Variants in PSD3 observed in about 807,000 individuals in gnomAD.
PSD3 encodes PH and SEC7 domain-containing protein 3.
Under a neutral mutation model 105.5 loss-of-function variants are expected in PSD3, and 49 were observed. The observed-to-expected ratio is 0.46, with a 90% confidence interval of 0.37 to 0.59. The LOEUF (loss-of-function observed/expected upper bound fraction) is 0.59, where lower values mean the gene tolerates loss of function less well. Among genes scored for constraint, PSD3 ranks in the 20% least tolerant of loss-of-function variants. The pLI is 0.00. For missense variants in PSD3, 1,561 were observed against 1,263.8 expected, an observed-to-expected ratio of 1.24 and a Z score of -3.57; for synonymous variants, 557 against 457.8, an observed-to-expected ratio of 1.22 and a Z score of -2.77.
chr8:18,714,521 T>A (rs1195190136), intron 9 of PSD3, among the ~76,000 whole-genome samples: 6 of 150,878 alleles, frequency 4.0e-5, no homozygotes, highest in Non-Finnish European at 8.8e-5. Context: ...AAGAAACTTA[T>A]GAAAAAAACC....
chr8:18,785,631 T>C (rs1289103541), intron 8 of PSD3, among the ~76,000 whole-genome samples: 1 of 152,200 alleles, frequency 6.6e-6, no homozygotes, highest in Non-Finnish European at 1.5e-5. Flanking sequence ...ACTTTTCCTT[T>C]ACATTACAAC....
chr8:18,845,357 C>T (rs976371481), intron 4 of PSD3, among the ~76,000 whole-genome samples: 4 of 152,166 alleles, frequency 2.6e-5, no homozygotes, highest in Admixed American at 6.5e-5. Flanking sequence ...AGGCCTTTGG[C>T]GGCTGCACTG....
intron 9 of PSD3, among the ~76,000 whole-genome samples, chr8:18,759,514 T>G (rs948792108): frequency 1.3e-5 from 2 of 152,180 alleles, no homozygotes; most frequent in African/African-American, 4.8e-5. Context: ...AAGGAGAGAC[T>G]GTTTCAGCTA....
At chr8:18,750,591 G>A (rs1446822610) in intron 9 of PSD3, among the ~76,000 whole-genome samples, 5 of 152,114 alleles carry the variant, frequency 3.3e-5, no homozygotes, top group African/African-American at 7.2e-5. Context: ...CGAGTGGGTT[G>A]CCACTGCTGG....
chr8:18,663,068 A>C (rs1442231345), intron 9 of PSD3, among the ~76,000 whole-genome samples: 1 of 152,170 alleles, frequency 6.6e-6, no homozygotes, highest in African/African-American at 2.4e-5. Context: ...GTAGCCAAAG[A>C]CAATACTAAC....
intron 15 of PSD3, among the ~76,000 whole-genome samples, chr8:18,539,749 T>C (rs574982748): frequency 1.3e-5 from 2 of 152,026 alleles, no homozygotes; most frequent in African/African-American, 2.4e-5. Flanking sequence ...GATTTCACCA[T>C]GTTGGCCAGG....
intron 11 of PSD3, among the ~76,000 whole-genome samples, chr8:18,630,317 G>T (rs1451861481): frequency 6.6e-6 from 1 of 151,934 alleles, no homozygotes; most frequent in Non-Finnish European, 1.5e-5. Context: ...AGGTGTCTGT[G>T]ATGTCTCAAC....
chr8:18,800,677 G>C (rs1341127557), intron 7 of PSD3, among the ~76,000 whole-genome samples: 1 of 152,172 alleles, frequency 6.6e-6, no homozygotes, highest in African/African-American at 2.4e-5. Context: ...TGTAAAAATA[G>C]TGTAATATGC....
intron 4 of PSD3, among the ~76,000 whole-genome samples, chr8:18,862,744 G>A (rs970648367): frequency 3.3e-5 from 5 of 151,782 alleles, no homozygotes; most frequent in African/African-American, 7.3e-5. Context: ...TTTTCAAATC[G>A]CACTTCAACA....
At chr8:18,696,743 G>A (rs2131016924) in intron 9 of PSD3, among the ~76,000 whole-genome samples, 1 of 152,238 alleles carries the variant, frequency 6.6e-6, no homozygotes, top group East Asian at 1.9e-4. Context: ...GATTCTCATA[G>A]GATAAGGGAG....
At chr8:18,693,878 A>AT (rs1263478974) in intron 9 of PSD3, among the ~76,000 whole-genome samples, 1 of 152,226 alleles carries the variant, frequency 6.6e-6, no homozygotes, top group East Asian at 1.9e-4. Context: ...TTTTGGAGCC[A>AT]GGAATCCTGG....
chr8:18,606,459 C>T (rs2717763), intron 11 of PSD3, among the ~76,000 whole-genome samples: 110,365 of 152,168 alleles, frequency 0.73, 40,257 homozygotes, highest in East Asian at 0.83. Context: ...TAAAAGTTAT[C>T]TAAAAATATT....
intron 14 of PSD3, among the ~76,000 whole-genome samples, chr8:18,566,651 C>T (rs1428040729): frequency 2.0e-5 from 3 of 152,108 alleles, no homozygotes; most frequent in Non-Finnish European, 2.9e-5. Flanking sequence ...CGGAGATCAT[C>T]TCATTTCTTT....
chr8:18,633,651 C>T (rs1436787569), intron 10 of PSD3, among the ~76,000 whole-genome samples: 1 of 152,010 alleles, frequency 6.6e-6, no homozygotes. Context: ...TTTCTCTATC[C>T]AGTTCACCAT....
intron 1 of PSD3, among the ~76,000 whole-genome samples, chr8:18,990,407 C>T (rs909972827): frequency 2.6e-5 from 4 of 152,218 alleles, no homozygotes; most frequent in Non-Finnish European, 4.4e-5. Flanking sequence ...TCTTCATATG[C>T]GACGCTCTTT....
chr8:18,740,378 G>A (rs939791552), intron 9 of PSD3, among the ~76,000 whole-genome samples: 21 of 152,116 alleles, frequency 1.4e-4, no homozygotes, highest in Non-Finnish European at 2.9e-5. Context: ...AATTCTGACA[G>A]CTTGCAGTGA....
At chr8:18,854,747 C>A (rs904917864) in intron 4 of PSD3, among the ~76,000 whole-genome samples, 4 of 152,072 alleles carry the variant, frequency 2.6e-5, no homozygotes, top group African/African-American at 9.7e-5. Context: ...CTGAAATAGA[C>A]AACAAAATAG....
chr8:18,843,990 T>C (rs762608554), intron 4 of PSD3, among the ~76,000 whole-genome samples: 10 of 151,886 alleles, frequency 6.6e-5, no homozygotes, highest in East Asian at 1.9e-4. Context: ...ACAAATATCC[T>C]GATTTAAAAA....
chr8:18,573,042 A>T (rs1802237451), intron 13 of PSD3, among the ~76,000 whole-genome samples: 1 of 152,208 alleles, frequency 6.6e-6, no homozygotes, highest in Admixed American at 6.5e-5. Flanking sequence ...CTAACTGAGG[A>T]ATGCATTGGT....
Sources: allele counts gnomAD v4.1 joint callset (sites outside exome capture counted in the v4.1 genomes callset), GRCh38; gene constraint gnomAD v4.1.1; transcripts MANE v1.5; gene names NCBI Gene and HGNC (gene_info 2026-07-23, HGNC 2026-07-21).